The following ARHGEF33 variants were observed in gnomAD, a reference collection of about 807,000 sequenced individuals.
The protein encoded by ARHGEF33 is DH and coiled-coil domain-containing protein ENSP00000381780.
In ARHGEF33, 72 loss-of-function variants were observed where a neutral mutation model predicts 101.9. That is an observed-to-expected ratio of 0.71 (90% CI 0.58 to 0.86). ARHGEF33 has a LOEUF of 0.86. Ranked by LOEUF, ARHGEF33 falls within the 40% of genes least tolerant of loss-of-function variation. The pLI, the probability that ARHGEF33 is intolerant of heterozygous loss-of-function variation, is 0.00. For missense variants in ARHGEF33, 1,169 were observed against 1,111.3 expected (o/e 1.05, Z -0.74); for synonymous variants, 499 against 442.5 (o/e 1.13, Z -1.60).
At chr2:38,901,485 C>T (rs7586929) in intron 2 of ARHGEF33, among the ~76,000 whole-genome samples, 1 of 152,080 alleles carries the variant, frequency 6.6e-6, no homozygotes, top group Admixed American at 6.5e-5. Flanking sequence ...GGGCTCACTT[C>T]TGAGCTCGGT....
At chr2:38,963,997 T>C (rs1452728408) in intron 16 of ARHGEF33, among the ~76,000 whole-genome samples, 4 of 152,192 alleles carry the variant, frequency 2.6e-5, no homozygotes, top group Non-Finnish European at 5.9e-5. Context: ...ATGAAATAAT[T>C]ATACAACTCA....
At chr2:38,938,428 A>C (rs569470198) in intron 9 of ARHGEF33, among the ~76,000 whole-genome samples, 1 of 152,344 alleles carries the variant, frequency 6.6e-6, no homozygotes, top group Admixed American at 6.5e-5. Context: ...GGTCTCCGCT[A>C]CATGGGAGTC....
intron 17 of ARHGEF33, among the ~76,000 whole-genome samples, chr2:38,967,680 A>G (rs1668079818): frequency 6.6e-6 from 1 of 151,286 alleles, no homozygotes; most frequent in Admixed American, 6.6e-5. Context: ...GGTTCAGGCT[A>G]TTCTCCTGCC....
Position 38,960,402 on chromosome 2 carries a change from C to T in ARHGEF33, c.2097C>T (p.His699=). 3.3e-6 allele frequency: 5 copies of T among 1,511,022 alleles called. No individual in the cohort carries two copies. Among genetic ancestry groups the T allele is most frequent in the African/African-American group, 1.4e-5 (1 of 71,396 alleles). 93.6% of individuals were successfully genotyped at this position (1,511,022 alleles called of 1,614,324 possible). ...AACTGGAGGCGGCGGCGCAGGCGCA[C>T]GGCAAGGCCAAGCCGCTGAGCCGCT... The part of the protein sequence containing the change: ...AYKLEAAAQA[H]GKAKPLSRSL... The change falls in exon 16 of 18, where the codon CAC becomes CAT. Residue 699 remains histidine (H), a synonymous_variant. Coordinates refer to ENST00000409978, the MANE Select transcript of ARHGEF33 (RefSeq NM_001145451.5).
At chr2:38,949,395 CTTT>C (rs2124410022) in intron 10 of ARHGEF33, among the ~76,000 whole-genome samples, 1 of 152,234 alleles carries the variant, frequency 6.6e-6, no homozygotes, top group South Asian at 2.1e-4. Flanking sequence ...AACTCTGCTT[CTTT>C]TTATTTTTTT....
At chr2:38,951,977 T>G (rs1026628469) in intron 11 of ARHGEF33, among the ~76,000 whole-genome samples, 2 of 152,178 alleles carry the variant, frequency 1.3e-5, no homozygotes, top group Non-Finnish European at 1.5e-5. Flanking sequence ...TGGTGTGAAG[T>G]GTGAGCTGCA....
chr2:38,922,678 A>C (rs999519001), intron 4 of ARHGEF33, among the ~76,000 whole-genome samples: 2 of 152,160 alleles, frequency 1.3e-5, no homozygotes, highest in Non-Finnish European at 2.9e-5. Flanking sequence ...AGACATTCTC[A>C]TTGATTTTTA....
intron 2 of ARHGEF33, among the ~76,000 whole-genome samples, chr2:38,906,957 A>C (rs549581609): frequency 8.5e-5 from 13 of 152,238 alleles, no homozygotes; most frequent in Admixed American, 7.8e-4. Flanking sequence ...GTCTCAAAAA[A>C]AGATGATCCT....
intron 1 of ARHGEF33, among the ~76,000 whole-genome samples, chr2:38,890,876 G>A (rs1488335270): frequency 6.6e-6 from 1 of 151,320 alleles, no homozygotes; most frequent in Admixed American, 6.6e-5. Context: ...ATTAATTAAT[G>A]TCTACATTTT....
At chr2:38,967,676 G>T (rs1283260105) in intron 17 of ARHGEF33, among the ~76,000 whole-genome samples, 1 of 151,888 alleles carries the variant, frequency 6.6e-6, no homozygotes, top group African/African-American at 2.4e-5. Context: ...CCCAGGTTCA[G>T]GCTATTCTCC....
chr2:38,919,061 A>C (rs1666699743), intron 2 of ARHGEF33, among the ~76,000 whole-genome samples: 1 of 152,098 alleles, frequency 6.6e-6, no homozygotes, highest in Non-Finnish European at 1.5e-5. Context: ...TAAATAAATA[A>C]AATAAAATTT....
chr2:38,960,048 G>C lies in ARHGEF33; in HGVS notation c.1743G>C (p.Glu581Asp). Residue 581 changes from glutamate (E) to aspartate (D), a missense_variant, in exon 16 of 18, where the codon GAG (glutamate) becomes GAC (aspartate). Physicochemically the swap from Glu to Asp is conservative, Grantham distance 45. Transcript: ENST00000409978. Reference protein sequence around the residue: ...PLQAIPEMDFESSPAEPLGNV... With the variant: ...PLQAIPEMDFDSSPAEPLGNV... ...AGGCCATCCCGGAGATGGACTTCGA[G>C]TCCTCTCCGGCGGAGCCGCTGGGCA... 6.5e-7 allele frequency: 1 copy of C among 1,543,784 alleles called. No homozygotes were observed. Among genetic ancestry groups the C allele is most frequent in the Non-Finnish European group, 8.7e-7 (1 of 1,143,056 alleles).
At chr2:38,918,150 G>A (rs1011222740) in intron 2 of ARHGEF33, among the ~76,000 whole-genome samples, 1 of 152,216 alleles carries the variant, frequency 6.6e-6, no homozygotes, top group Non-Finnish European at 1.5e-5. Context: ...ACGGCTAGCA[G>A]CAATGCCTAA....
intron 2 of ARHGEF33, among the ~76,000 whole-genome samples, chr2:38,898,831 A>G (rs1161818010): frequency 2.6e-5 from 4 of 152,202 alleles, no homozygotes; most frequent in Admixed American, 6.5e-5. Flanking sequence ...CTGTGCATGT[A>G]TTGCATATGC....
intron 2 of ARHGEF33, among the ~76,000 whole-genome samples, chr2:38,899,168 A>AAT (rs1044686982): frequency 1.3e-4 from 20 of 152,214 alleles, no homozygotes; most frequent in African/African-American, 4.3e-4. Flanking sequence ...GCCCACTGTG[A>AAT]ATAGTTCCCA....
intron 9 of ARHGEF33, among the ~76,000 whole-genome samples, chr2:38,938,728 T>A (rs1451779592): frequency 6.6e-6 from 1 of 152,190 alleles, no homozygotes; most frequent in African/African-American, 2.4e-5. Flanking sequence ...AGTTCTTTCA[T>A]GCACTTTGCC....
chr2:38,944,190 T>G (rs1482971319), intron 10 of ARHGEF33, among the ~76,000 whole-genome samples, 160 bp downstream of exon 10: 1 of 152,248 alleles, frequency 6.6e-6, no homozygotes, highest in Non-Finnish European at 1.5e-5. Context: ...GTTCACTTTG[T>G]GCTGCTATGA....
Position 38,959,902 on chromosome 2 carries a change from C to A in ARHGEF33, c.1597C>A (p.Pro533Thr). ...QQQSLMESMQ[P>T]GKPSDWELEG... ...GCAAAGCCTGATGGAGAGCATGCAG[C>A]CCGGGAAGCCCAGTGACTGGGAGCT... The change falls in exon 16 of 18, where the codon CCC becomes ACC. Residue 533 changes from proline (P) to threonine (T), a missense_variant. Pro to Thr is a conservative substitution (Grantham distance 38). Coordinates refer to ENST00000409978, the MANE Select transcript of ARHGEF33 (RefSeq NM_001145451.5). 6.4e-7 allele frequency: 1 copy of A among 1,551,850 alleles called. No homozygotes were observed. Among genetic ancestry groups the A allele is most frequent in the Non-Finnish European group, 8.7e-7 (1 of 1,146,930 alleles).
intron 2 of ARHGEF33, among the ~76,000 whole-genome samples, chr2:38,908,362 T>C (rs1365562062): frequency 6.6e-6 from 1 of 152,146 alleles, no homozygotes. Context: ...TTAAAATGAG[T>C]CAGAAGAGCC....
Sources: gnomAD v4.1 joint callset for allele counts (sites outside exome capture counted in the v4.1 genomes callset) on GRCh38, gnomAD v4.1.1 for gene constraint, MANE v1.5 for transcripts, NCBI Gene and HGNC (gene_info 2026-07-23, HGNC 2026-07-21) for gene names.